The following DOCK11 variants were observed in gnomAD, a reference collection of about 807,000 sequenced individuals.
DOCK11 encodes dedicator of cytokinesis 11, also known as dedicator of cytokinesis protein 11.
In DOCK11, 70 loss-of-function variants were observed where a neutral mutation model predicts 169.1. The ratio of observed to expected loss-of-function variants is 0.41; its 90% CI spans 0.34 to 0.51. The LOEUF (loss-of-function observed/expected upper bound fraction) is 0.51, where lower values mean the gene tolerates loss of function less well. Among genes scored for constraint, DOCK11 ranks in the 20% least tolerant of loss-of-function variants. DOCK11 has a pLI of 0.10. For missense variants in DOCK11, 1,166 were observed against 1,538.8 expected, an observed-to-expected ratio of 0.76 and a Z score of 4.05; for synonymous variants, 529 against 541.3, an observed-to-expected ratio of 0.98 and a Z score of 0.32.
In DOCK11 at chrX:118,662,944, CTGT is replaced by C. The variant is rs1346399941; in HGVS notation, c.5076+154_5076+156del. Reference sequence around the variant, plus strand: ...AAAACTGTCCAGGGCAAAGATGTTCCTGTTTAGAGGGCCCTGTCTCTTGAACTG... The same window carrying C: ...AAAACTGTCCAGGGCAAAGATGTTCCTTAGAGGGCCCTGTCTCTTGAACTG... On this transcript the variant is annotated intron_variant, in intron 45 of 52. Transcript: ENST00000276202. 4.7e-5 allele frequency: 20 copies of C among 428,332 alleles called. No homozygotes were observed. The Admixed American group carries it at 8.7e-4, about 19-fold the overall frequency. The allele number at this position is 428,332 out of a possible 1,213,427, so 35.3% of individuals were successfully genotyped here. A position where few individuals can be genotyped will look rare whatever the true frequency, so the allele number is the denominator to read the frequency against.
At chrX:118,624,754 CTTTTTTTTTT>C (rs368211104) in intron 32 of DOCK11, 99 bp downstream of exon 32, 10 of 233,146 alleles carry the variant, frequency 4.3e-5, no homozygotes, top group Non-Finnish European at 7.1e-5. Flanking sequence ...TAAGAGTTCA[CTTTTTTTTTT>C]TTTTTTTTTT....
chrX:118,628,368 C>T (rs1199686433), intron 34 of DOCK11, 96 bp downstream of exon 34: 2 of 507,774 alleles, frequency 3.9e-6, no homozygotes, highest in Non-Finnish European at 6.4e-6. Context: ...CACCTGTAGT[C>T]CATCCTGGCT....
chrX:118,629,214 C>T (rs994266558), intron 34 of DOCK11, among the ~76,000 whole-genome samples: 1 of 111,532 alleles, frequency 9.0e-6, no homozygotes, highest in African/African-American at 3.3e-5. Flanking sequence ...TTTGGGTAAA[C>T]AGTAATTTAT....
chrX:118,665,709 G>A (rs1393663732), intron 45 of DOCK11, among the ~76,000 whole-genome samples: 10 of 111,622 alleles, frequency 9.0e-5, no homozygotes, highest in Admixed American at 4.8e-4. Context: ...TGCATAATAA[G>A]GCTTCTTCCT....
intron 14 of DOCK11, among the ~76,000 whole-genome samples, chrX:118,580,477 T>C (rs2013592624): frequency 9.0e-6 from 1 of 111,102 alleles, no homozygotes; most frequent in African/African-American, 3.3e-5. Context: ...CCACCACACC[T>C]GGCTAATTTT....
At chrX:118,588,012 A>T in intron 16 of DOCK11, 125 bp from the exon 17 acceptor site, 1 of 654,314 alleles carries the variant, frequency 1.5e-6, no homozygotes, top group South Asian at 4.6e-5. Flanking sequence ...TTGGTCAATT[A>T]CTAAGAATTA....
chrX:118,509,484 G>A lies in DOCK11; in HGVS notation c.102+13411G>A, dbSNP rs780348082. 2.7e-5 allele frequency among the ~76,000 whole-genome samples: 3 copies of A among 111,005 alleles called. No homozygotes were observed. In the Admixed American group the frequency reaches 2.9e-4, roughly 11 times the overall value. ...TTACCATGTTGGTCAGGCTGGTCTC[G>A]AACTCCTGACCTCAAGTGTTCCAAC... On this transcript the variant is annotated intron_variant, in intron 1 of 52. Transcript: ENST00000276202.
chrX:118,514,198 C>T (rs1377002794), intron 1 of DOCK11, among the ~76,000 whole-genome samples: 1 of 109,711 alleles, frequency 9.1e-6, no homozygotes, highest in African/African-American at 3.3e-5. Context: ...CCTGCTTCTC[C>T]TTTGCCTTCT....
intron 1 of DOCK11, among the ~76,000 whole-genome samples, chrX:118,538,276 G>A (rs1233797578): frequency 8.9e-6 from 1 of 112,009 alleles, no homozygotes; most frequent in African/African-American, 3.2e-5. Flanking sequence ...AATGTAGACA[G>A]ATGAACTTAG....
chrX:118,584,413 C>T (rs1257543902), intron 14 of DOCK11, among the ~76,000 whole-genome samples: 1 of 102,273 alleles, frequency 9.8e-6, no homozygotes, highest in Non-Finnish European at 2.0e-5. Flanking sequence ...CGTGAATATA[C>T]AGCAGTTTGC....
chrX:118,626,778 T>C (rs1057290596), intron 32 of DOCK11, among the ~76,000 whole-genome samples: 1 of 112,449 alleles, frequency 8.9e-6, no homozygotes, highest in Non-Finnish European at 1.9e-5. Context: ...ACAAATACAG[T>C]ATCTCATGCT....
In DOCK11 at chrX:118,584,541, C is replaced by T. The variant is rs190285802; in HGVS notation, c.1596-194C>T. Among the ~76,000 whole-genome samples, 5 of 112,231 alleles carry T rather than the reference C, an allele frequency of 4.5e-5. No homozygotes were observed. The East Asian group carries it at 1.4e-3, about 31-fold the overall frequency. ...TGCTGCTGCGCAAATTAAGAACATT[C>T]ATGTACCATGTGGAAATATGCCTAG... On this transcript the variant is annotated intron_variant, in intron 14 of 52. Coordinates refer to ENST00000276202, the MANE Select transcript of DOCK11 (RefSeq NM_144658.4).
At chrX:118,527,795 T>C (rs951181306) in intron 1 of DOCK11, among the ~76,000 whole-genome samples, 1 of 111,850 alleles carries the variant, frequency 8.9e-6, no homozygotes, top group Non-Finnish European at 1.9e-5. Context: ...GGCCACACAC[T>C]CCTTTGAGAT....
rs1159622897 is a variant in DOCK11 at position 118,624,614 on chromosome X, G to GAGATACCTT, written c.3547_3548insAGATACCTT (p.Gly1183delinsGluIleProCys). The GAGATACCTT allele has an allele frequency of 1.1e-5, 13 of 1,207,420 alleles. No individual in the cohort carries two copies. The highest frequency in any genetic ancestry group is 1.5e-5 in the Non-Finnish European group (13 of 891,977). ...TTTGGAAAATATACAGCGATTAGCA[G>GAGATACCTT]GTCGAGATACCTTGTATTCTTGTGC... On this transcript the variant is annotated protein_altering_variant, in exon 32 of 53. Transcript: ENST00000276202.
At chrX:118,579,478 T>C (rs1234547055) in intron 13 of DOCK11, among the ~76,000 whole-genome samples, 1 of 112,281 alleles carries the variant, frequency 8.9e-6, no homozygotes, top group Non-Finnish European at 1.9e-5. Flanking sequence ...GTTTATTAAA[T>C]GGAAGTTGCT....
At chrX:118,683,879 A>G (rs1477162495) in intron 52 of DOCK11, among the ~76,000 whole-genome samples, 2 of 112,308 alleles carry the variant, frequency 1.8e-5, no homozygotes, top group Admixed American at 1.9e-4. Context: ...ATAGAGACCA[A>G]TAATTTAGAC....
At chrX:118,532,637 C>T (rs1416537812) in intron 1 of DOCK11, among the ~76,000 whole-genome samples, 3 of 109,581 alleles carry the variant, frequency 2.7e-5, no homozygotes, top group Non-Finnish European at 5.7e-5. Context: ...AAAAATTAGT[C>T]AGGCGTGGTG....
chrX:118,503,836 G>A (rs1368314920), intron 1 of DOCK11, among the ~76,000 whole-genome samples: 3 of 111,209 alleles, frequency 2.7e-5, no homozygotes, highest in Non-Finnish European at 5.7e-5. Flanking sequence ...TTAGGGAAGT[G>A]GGAGGCAGGG....
At chrX:118,610,533 A>C in intron 28 of DOCK11, 115 bp downstream of exon 28, 1 of 843,496 alleles carries the variant, frequency 1.2e-6, no homozygotes, top group Non-Finnish European at 1.6e-6. Flanking sequence ...GACTGTTGGA[A>C]AACTTAGGTT....
Sources: allele counts gnomAD v4.1 joint callset (sites outside exome capture counted in the v4.1 genomes callset), GRCh38; gene constraint gnomAD v4.1.1; transcripts MANE v1.5; gene names NCBI Gene and HGNC (gene_info 2026-07-23, HGNC 2026-07-21).